The following TRIM13 variants were observed in gnomAD, a reference collection of about 807,000 sequenced individuals.
TRIM13 encodes tripartite motif containing 13.
TRIM13 carries 15 observed loss-of-function variants against 27.1 expected under a neutral mutation model. That is an observed-to-expected ratio of 0.55 (90% CI 0.37 to 0.85). TRIM13 has a LOEUF of 0.85. TRIM13 is among the 40% of genes least tolerant of loss of function. The probability of loss-of-function intolerance (pLI) is 0.00; values close to 1 mark genes in which losing one functional copy is unlikely to be tolerated. For synonymous variants in TRIM13, 193 were observed against 171.5 expected, an observed-to-expected ratio of 1.13 and a Z score of -0.98; for missense variants, 402 against 472.2, an observed-to-expected ratio of 0.85 and a Z score of 1.38.
intron 1 of TRIM13, among the ~76,000 whole-genome samples, chr13:50,009,149 C>T (rs538844249): frequency 2.0e-5 from 3 of 150,708 alleles, no homozygotes; most frequent in Admixed American, 1.3e-4. Context: ...AAACCCATTA[C>T]AAGTTAACAA....
Position 50,016,009 on chromosome 13 carries a change from T to TTACCATGACC in TRIM13, c.*2847_*2856dup. On this transcript the variant is annotated 3_prime_UTR_variant, in exon 2 of 2. Coordinates refer to ENST00000378182, the MANE Select transcript of TRIM13 (RefSeq NM_213590.3). ...TTCCACTGCCTCCACAAAGACCTTC[T>TTACCATGACC]TACCATGACCTGGTTTTCCAGTGTG... 1 of 1,614,144 alleles carries TTACCATGACC rather than the reference T, an allele frequency of 6.2e-7. No individual in the cohort carries two copies. The highest frequency in any genetic ancestry group is 8.5e-7 in the Non-Finnish European group (1 of 1,179,976).
intron 1 of TRIM13, among the ~76,000 whole-genome samples, chr13:50,002,838 T>C (rs774660900): frequency 3.9e-5 from 6 of 152,092 alleles, no homozygotes; most frequent in African/African-American, 1.4e-4. Flanking sequence ...AATTTTTGTA[T>C]TTTTAGTAGA....
In TRIM13 at chr13:50,012,597, C is replaced by T. The variant is rs768262934; in HGVS notation, c.657C>T (p.Ile219=). ...TTATGCAAGCATATGACCCAGAGAT[C>T]AACAAACTCAACACCATCTTGCAGG... ...LAVMQAYDPE[I]NKLNTILQEQ... is the part of the protein sequence containing the mutation. Residue 219 remains isoleucine, a synonymous_variant, in exon 2 of 2, where the codon ATC becomes ATT. Coordinates refer to ENST00000378182, the MANE Select transcript of TRIM13 (RefSeq NM_213590.3). 1 of 1,614,096 alleles carries T rather than the reference C, an allele frequency of 6.2e-7. No individual in the cohort carries two copies. The highest frequency in any genetic ancestry group is 1.3e-5 in the African/African-American group (1 of 75,036).
At chr13:49,998,922 T>C (rs1281766883) in intron 1 of TRIM13, among the ~76,000 whole-genome samples, 1 of 137,654 alleles carries the variant, frequency 7.3e-6, no homozygotes, top group Non-Finnish European at 1.5e-5. Flanking sequence ...AGAGCGAGAC[T>C]CTACCAAAAA....
Position 50,014,344 on chromosome 13 carries a change from A to AAAATAT in TRIM13, c.*1181_*1182insAATATA, listed in dbSNP as rs1555325057. The AAAATAT allele has an allele frequency of 6.1e-4, 12 of 19,728 alleles. No individual in the cohort carries two copies. The highest frequency in any genetic ancestry group is 9.9e-4 in the Non-Finnish European group (12 of 12,102). 1.2% of individuals were successfully genotyped at this position (19,728 alleles called of 1,614,324 possible). ...AAAAAAAAAAAAAAAAAAAAAAAAAAATATATATATATATATACACACACA... is the reference window on the plus strand; with the variant it reads ...AAAAAAAAAAAAAAAAAAAAAAAAAAAAATATATATATATATATATATACACACACA... On this transcript the variant is annotated 3_prime_UTR_variant, in exon 2 of 2. Transcript: ENST00000378182.
At position 50,016,147 on chromosome 13, in the gene TRIM13, C is replaced by A; in HGVS notation, c.*2983C>A. 1 of 1,039,530 alleles carries A rather than the reference C, an allele frequency of 9.6e-7. No homozygotes were observed. Among genetic ancestry groups the A allele is most frequent in the Non-Finnish European group, 1.4e-6 (1 of 708,242 alleles). 64.4% of individuals were successfully genotyped at this position (1,039,530 alleles called of 1,614,324 possible). A position where few individuals can be genotyped will look rare whatever the true frequency, so the allele number is the denominator to read the frequency against. On this transcript the variant is annotated 3_prime_UTR_variant, in exon 2 of 2. Coordinates refer to ENST00000378182, the MANE Select transcript of TRIM13 (RefSeq NM_213590.3). ...CTCTAAAAACTTGAAGTTCCTCAGG[C>A]CTGTAACTTCTGGAAAAGATGATTA... is the stretch of plus-strand genomic sequence containing the variant.
rs549005587 is a variant in TRIM13 at position 49,999,652 on chromosome 13, A to G, written c.-7+1889A>G. Among the ~76,000 whole-genome samples, 9 of 152,298 alleles carry G rather than the reference A, an allele frequency of 5.9e-5. No individual in the cohort carries two copies. In the East Asian group the frequency reaches 1.7e-3, roughly 29 times the overall value. On this transcript the variant is annotated intron_variant, in intron 1 of 1. Transcript: ENST00000378182. ...TTCAGCCTTCAGAGTAGCTGGGACT[A>G]CAAGTGTGTGGCACCATTCCCAGAT...
rs1566446972 is a variant in TRIM13 at position 50,015,093 on chromosome 13, A to AT, written c.*1929_*1930insT. 51 of 14,190 alleles carry AT rather than the reference A, an allele frequency of 3.6e-3. 6 individuals are homozygous for AT. Among genetic ancestry groups the AT allele is most frequent in the Non-Finnish European group, 5.1e-3 (33 of 6,508 alleles). 0.9% of individuals were successfully genotyped at this position (14,190 alleles called of 1,614,324 possible). ...CCAGTAATAAAAAAAAAAAAAAAAA[A>AT]AATATATATATATATATATATATAT... On this transcript the variant is annotated 3_prime_UTR_variant, in exon 2 of 2. Transcript: ENST00000378182.
At chr13:49,999,716 T>C (rs537785777) in intron 1 of TRIM13, among the ~76,000 whole-genome samples, 1 of 152,262 alleles carries the variant, frequency 6.6e-6, no homozygotes, top group African/African-American at 2.4e-5. Flanking sequence ...AACTGGTGCT[T>C]GAACACAGGT....
rs145045118 is a variant in TRIM13 at position 50,011,757 on chromosome 13, G to A, written c.-6-178G>A. Among the ~76,000 whole-genome samples, 150 of 152,310 alleles carry A rather than the reference G, an allele frequency of 9.8e-4. 2 individuals are homozygous for A. The highest frequency in any genetic ancestry group is 3.4e-3 in the African/African-American group (142 of 41,586). ...CCTACTATTAAAGGAGCATGTTCTA[G>A]TCTCAGTGGATTAAATTTGCTTTGG... On this transcript the variant is annotated intron_variant, in intron 1 of 1. Transcript: ENST00000378182.
In TRIM13 at chr13:50,013,024, G is replaced by A. The variant is rs1482901911; in HGVS notation, c.1084G>A (p.Ala362Thr). 1 of 1,613,926 alleles carries A rather than the reference G, an allele frequency of 6.2e-7. No homozygotes were observed. Among genetic ancestry groups the A allele is most frequent in the Non-Finnish European group, 8.5e-7 (1 of 1,179,970 alleles). Reference protein sequence around the residue: ...SNFSSYLTKTADFIEQSVFYW... With the variant: ...SNFSSYLTKTTDFIEQSVFYW... ...CTTCAGTTCCTATCTGACTAAAACA[G>A]CCGATTTCATAGAACAATCAGTTTT... The change falls in exon 2 of 2, where the codon GCC becomes ACC. Residue 362 changes from alanine to threonine, a missense_variant. Around this residue, in one of 2 missense-constraint regions of TRIM13, gnomAD observed 200 missense variants for 194.7 expected, o/e 1.03. Coordinates refer to ENST00000378182, the MANE Select transcript of TRIM13 (RefSeq NM_213590.3).
chr13:50,010,604 T>C (rs192041853), intron 1 of TRIM13, among the ~76,000 whole-genome samples: 2 of 152,322 alleles, frequency 1.3e-5, no homozygotes, highest in East Asian at 1.9e-4. Context: ...TTCATTAATA[T>C]CACTGCCCAT....
intron 1 of TRIM13, among the ~76,000 whole-genome samples, chr13:50,008,555 T>TTGAGCC (rs1255831155): frequency 6.6e-6 from 1 of 152,054 alleles, no homozygotes; most frequent in Non-Finnish European, 1.5e-5. Context: ...GGAGGATTGC[T>TTGAGCC]TGAGCCCAGA....
At chr13:50,004,931 C>T (rs1034476958) in intron 1 of TRIM13, among the ~76,000 whole-genome samples, 4 of 151,796 alleles carry the variant, frequency 2.6e-5, no homozygotes, top group South Asian at 4.2e-4. Flanking sequence ...CAAAAATTAG[C>T]CGGGTGTGGT....
rs1238026372 is a variant in TRIM13 at position 50,016,506 on chromosome 13, C to A, written c.*3342C>A. 2 of 170,802 alleles carry A rather than the reference C, an allele frequency of 1.2e-5. No homozygotes were observed. Among genetic ancestry groups the A allele is most frequent in the Non-Finnish European group, 1.4e-5 (1 of 70,732 alleles). The allele number at this position is 170,802 out of a possible 1,614,324, so 10.6% of individuals were successfully genotyped here. The stretch of plus-strand genomic sequence containing the variant: ...AAGTTGTTCTTTCAGTTTTATGATT[C>A]AACTACTGTTTTTCCTTCAGCTGAC... On this transcript the variant is annotated 3_prime_UTR_variant, in exon 2 of 2. Transcript: ENST00000378182.
At position 50,014,413 on chromosome 13, in the gene TRIM13, A is replaced by C. The variant is rs1362641820; in HGVS notation, c.*1249A>C. 1 of 161,384 alleles carries C rather than the reference A, an allele frequency of 6.2e-6. No individual in the cohort carries two copies. The highest frequency in any genetic ancestry group is 1.5e-5 in the Non-Finnish European group (1 of 66,846). 10.0% of individuals were successfully genotyped at this position (161,384 alleles called of 1,614,324 possible). A position where few individuals can be genotyped will look rare whatever the true frequency, so the allele number is the denominator to read the frequency against. ...TACATATATATACATATATATGTAT[A>C]TATAGAACACATGGCAAGAGCAGGA... On this transcript the variant is annotated 3_prime_UTR_variant, in exon 2 of 2. Coordinates refer to ENST00000378182, the MANE Select transcript of TRIM13 (RefSeq NM_213590.3).
intron 1 of TRIM13, among the ~76,000 whole-genome samples, chr13:50,007,216 C>G (rs1383554531): frequency 6.7e-6 from 1 of 149,696 alleles, no homozygotes. Context: ...TAGGGCCCAG[C>G]GTGGTGGCTC....
chr13:50,015,883 CA>C lies in TRIM13; in HGVS notation c.*2723del. 1 of 1,614,132 alleles carries C rather than the reference CA, an allele frequency of 6.2e-7. No individual in the cohort carries two copies. Among genetic ancestry groups the C allele is most frequent in the South Asian group, 1.1e-5 (1 of 91,084 alleles). The stretch of plus-strand genomic sequence containing the variant: ...TTTTCAGGGTGTTTGGCTCTTGCAG[CA>C]AAACAATTGAGATGCTAACAGGGAG... On this transcript the variant is annotated 3_prime_UTR_variant, in exon 2 of 2. Coordinates refer to ENST00000378182, the MANE Select transcript of TRIM13 (RefSeq NM_213590.3).
chr13:50,011,880 A>G, intron 1 of TRIM13, 55 bp from the exon 2 acceptor site: 3 of 1,495,860 alleles, frequency 2.0e-6, no homozygotes, highest in Non-Finnish European at 2.7e-6. Flanking sequence ...TAATTATTAC[A>G]TAGTCCTAGT....
Sources: allele counts gnomAD v4.1 joint callset (sites outside exome capture counted in the v4.1 genomes callset), GRCh38; gene constraint gnomAD v4.1.1; regional missense constraint gnomAD v4.1.1; transcripts MANE v1.5; gene names NCBI Gene and HGNC (gene_info 2026-07-23, HGNC 2026-07-21).